PTPRK: variants seen among roughly 807,000 people sequenced by gnomAD.
The protein encoded by PTPRK is protein tyrosine phosphatase receptor type K.
PTPRK carries 75 observed loss-of-function variants against 178.0 expected under a neutral mutation model. The ratio of observed to expected loss-of-function variants is 0.42; its 90% CI spans 0.35 to 0.51. The LOEUF (loss-of-function observed/expected upper bound fraction) is 0.51. Ranked by LOEUF, PTPRK falls within the 20% of genes least tolerant of loss-of-function variation. The pLI is 0.02. For synonymous variants in PTPRK, 637 were observed against 620.6 expected (o/e 1.03, Z -0.39); for missense variants, 1,441 against 1,797.8 (o/e 0.80, Z 3.59).
At chr6:128,473,404 ATTTTT>A (rs67418131) in intron 1 of PTPRK, among the ~76,000 whole-genome samples, 8 of 90,872 alleles carry the variant, frequency 8.8e-5, no homozygotes, top group Admixed American at 1.3e-4. Context: ...TATGGTTACT[ATTTTT>A]TTTTTTTTTT....
intron 29 of PTPRK, among the ~76,000 whole-genome samples, chr6:127,971,647 T>A (rs1190834794): frequency 6.6e-6 from 1 of 152,006 alleles, no homozygotes; most frequent in South Asian, 2.1e-4. Context: ...GTGTTCAGGA[T>A]TCACGGGACA....
chr6:128,391,888 T>C (rs1191840361), intron 2 of PTPRK, among the ~76,000 whole-genome samples: 1 of 152,076 alleles, frequency 6.6e-6, no homozygotes, highest in East Asian at 1.9e-4. Context: ...TGAAATCATG[T>C]TACCTATAAC....
At chr6:128,237,943 C>CATA (rs1813597579) in intron 5 of PTPRK, 2 of 395,972 alleles carry the variant, frequency 5.1e-6, no homozygotes, top group Non-Finnish European at 9.7e-6. Context: ...TAAATAATTT[C>CATA]ATAATAAAAG....
chr6:128,465,341 T>C (rs1849705755), intron 1 of PTPRK, among the ~76,000 whole-genome samples: 1 of 152,224 alleles, frequency 6.6e-6, no homozygotes, highest in Admixed American at 6.5e-5. Flanking sequence ...ATCCATATTT[T>C]AAATTCAAAT....
intron 13 of PTPRK, among the ~76,000 whole-genome samples, chr6:128,009,528 T>C (rs556653427): frequency 6.6e-6 from 1 of 151,026 alleles, no homozygotes; most frequent in African/African-American, 2.4e-5. Context: ...AATGATGAAC[T>C]AGTTTTCCCC....
At chr6:128,339,918 G>A (rs954870954) in intron 2 of PTPRK, among the ~76,000 whole-genome samples, 3 of 152,130 alleles carry the variant, frequency 2.0e-5, no homozygotes, top group Admixed American at 1.3e-4. Flanking sequence ...GGGTGAGTAA[G>A]AGAGGTAGTT....
chr6:128,318,571 A>G (rs1828357597), intron 3 of PTPRK, among the ~76,000 whole-genome samples: 1 of 152,188 alleles, frequency 6.6e-6, no homozygotes, highest in African/African-American at 2.4e-5. Flanking sequence ...TTCATCACAC[A>G]TCATTTTTGT....
chr6:128,096,687 G>A (rs1414295302), intron 7 of PTPRK, among the ~76,000 whole-genome samples: 2 of 152,266 alleles, frequency 1.3e-5, no homozygotes, highest in East Asian at 1.9e-4. Context: ...AGCATGACAG[G>A]AGCTTCGTGC....
intron 1 of PTPRK, among the ~76,000 whole-genome samples, chr6:128,514,564 C>T (rs1219268822): frequency 6.6e-6 from 1 of 152,098 alleles, no homozygotes; most frequent in East Asian, 1.9e-4. Context: ...CCAGCACTGC[C>T]CTGTTCATCA....
chr6:128,218,095 A>C (rs148647118), intron 6 of PTPRK, among the ~76,000 whole-genome samples: 1 of 152,232 alleles, frequency 6.6e-6, no homozygotes, highest in Non-Finnish European at 1.5e-5. Flanking sequence ...CTAAAATATC[A>C]ATTTCCATCG....
intron 2 of PTPRK, among the ~76,000 whole-genome samples, chr6:128,356,621 T>C (rs1834000126): frequency 6.6e-6 from 1 of 152,246 alleles, no homozygotes; most frequent in South Asian, 2.1e-4. Flanking sequence ...TCTCTTTCTC[T>C]GTCCATCCTT....
chr6:128,428,220 C>T (rs941421298), intron 1 of PTPRK, among the ~76,000 whole-genome samples: 1 of 152,176 alleles, frequency 6.6e-6, no homozygotes. Flanking sequence ...GTTACTCACT[C>T]AGCGATAAGA....
chr6:128,429,686 T>C (rs374250025), intron 1 of PTPRK, among the ~76,000 whole-genome samples: 9 of 152,258 alleles, frequency 5.9e-5, no homozygotes, highest in South Asian at 4.1e-4. Flanking sequence ...CAGAGAAATG[T>C]TTTAAAGGGG....
At chr6:128,043,926 A>T (rs887077089) in intron 13 of PTPRK, among the ~76,000 whole-genome samples, 1 of 152,008 alleles carries the variant, frequency 6.6e-6, no homozygotes, top group Non-Finnish European at 1.5e-5. Flanking sequence ...AATTTTAAAA[A>T]TAGTTTATTA....
chr6:128,206,665 C>T (rs545268965), intron 6 of PTPRK, among the ~76,000 whole-genome samples: 5 of 152,194 alleles, frequency 3.3e-5, no homozygotes, highest in Admixed American at 2.6e-4. Context: ...AAAGTAGCTT[C>T]ATATAATACC....
intron 1 of PTPRK, among the ~76,000 whole-genome samples, chr6:128,470,911 CT>C (rs35084056): frequency 0.012 from 1,657 of 137,476 alleles, 9 homozygotes; most frequent in African/African-American, 0.02. Flanking sequence ...TTCTTTCTTC[CT>C]TTTTTTTTTT....
intron 2 of PTPRK, among the ~76,000 whole-genome samples, chr6:128,351,320 AG>A (rs776364772): frequency 3.3e-5 from 5 of 152,240 alleles, no homozygotes; most frequent in Non-Finnish European, 7.3e-5. Flanking sequence ...ACTATGTGGT[AG>A]AAAATGAACG....
intron 1 of PTPRK, among the ~76,000 whole-genome samples, chr6:128,453,641 T>G (rs1019341117): frequency 6.6e-6 from 1 of 152,206 alleles, no homozygotes; most frequent in African/African-American, 2.4e-5. Context: ...GAAATCCATA[T>G]GCTCTGATAA....
intron 1 of PTPRK, among the ~76,000 whole-genome samples, chr6:128,511,792 T>C (rs1857227831): frequency 6.6e-6 from 1 of 152,342 alleles, no homozygotes; most frequent in African/African-American, 2.4e-5. Context: ...GTGACTCATA[T>C]AGCCACTTGG....
Sources: allele counts gnomAD v4.1 joint callset (sites outside exome capture counted in the v4.1 genomes callset), GRCh38; gene constraint gnomAD v4.1.1; transcripts MANE v1.5; gene names NCBI Gene and HGNC (gene_info 2026-07-23, HGNC 2026-07-21).